The following CR1 variants were observed in gnomAD, a reference collection of about 807,000 sequenced individuals.
CR1 encodes the protein complement receptor type 1.
Under a neutral mutation model 187.3 loss-of-function variants are expected in CR1, and 116 were observed. That is an observed-to-expected ratio of 0.62 (90% confidence interval 0.53 to 0.72). The LOEUF is 0.72. CR1 is among the 30% of genes least tolerant of loss of function. The pLI, the probability that CR1 is intolerant of heterozygous loss-of-function variation, is 0.00. For missense variants in CR1, 1,731 were observed against 2,110.7 expected, an observed-to-expected ratio of 0.82 and a Z score of 3.52; for synonymous variants, 576 against 747.1, an observed-to-expected ratio of 0.77 and a Z score of 3.73.
intron 1 of CR1, among the ~76,000 whole-genome samples, chr1:207,505,389 C>T (rs1243398215): frequency 6.6e-6 from 1 of 151,916 alleles, no homozygotes; most frequent in East Asian, 1.9e-4. Context: ...GTCTCAAACT[C>T]CTGACCTCAA....
chr1:207,564,982 T>G lies in CR1; in HGVS notation c.3866+748T>G, dbSNP rs1458561569. 2.7e-5 allele frequency among the ~76,000 whole-genome samples: 4 copies of G among 150,296 alleles called. No homozygotes were observed. The South Asian group carries it at 8.3e-4, about 31-fold the overall frequency. On this transcript the variant is annotated intron_variant, in intron 23 of 46. Coordinates refer to ENST00000367049, the MANE Select transcript of CR1 (RefSeq NM_000651.6). ...AGGACTGAAAATGTAAAAATCAGCA[T>G]TTTTTTAAAAATTCAGTCATATATC... is the stretch of plus-strand genomic sequence containing the variant.
intron 4 of CR1, among the ~76,000 whole-genome samples, chr1:207,520,911 G>T: frequency 8.1e-6 from 1 of 124,096 alleles, no homozygotes; most frequent in African/African-American, 3.1e-5. Context: ...ATTGTGTTGT[G>T]TCTAGGTAAG....
chr1:207,526,205 C>T (rs1660165444), intron 5 of CR1, among the ~76,000 whole-genome samples: 2 of 151,990 alleles, frequency 1.3e-5, no homozygotes, highest in Admixed American at 6.5e-5. Context: ...GGAGAGGAGA[C>T]CCATAGTTCT....
At chr1:207,580,658 G>A in intron 31 of CR1, 45 bp downstream of exon 31, 3 of 1,535,678 alleles carry the variant, frequency 2.0e-6, no homozygotes, top group South Asian at 2.3e-5. Flanking sequence ...GCACTGCAGA[G>A]TGACTCTTGA....
intron 28 of CR1, 43 bp from the exon 29 acceptor site, chr1:207,577,762 G>T (rs1304185729): frequency 1.2e-6 from 2 of 1,609,806 alleles, no homozygotes; most frequent in Non-Finnish European, 8.5e-7. Flanking sequence ...GCAAGACTCT[G>T]TCCCAAGGTT....
At chr1:207,638,061 A>G (rs1662870838) in intron 46 of CR1, among the ~76,000 whole-genome samples, 1 of 152,248 alleles carries the variant, frequency 6.6e-6, no homozygotes, top group African/African-American at 2.4e-5. Flanking sequence ...AATTTAAAGT[A>G]TAGAGTGCTA....
In CR1 at chr1:207,523,607, C is replaced by G. The variant is rs748459931; in HGVS notation, c.488-4C>G. The G allele has an allele frequency of 1.2e-6, 2 of 1,613,546 alleles. No homozygotes were observed. The highest frequency in any genetic ancestry group is 2.7e-5 in the African/African-American group (2 of 74,882). On this transcript the variant is annotated splice_region_variant and splice_polypyrimidine_tract_variant and intron_variant, in intron 4 of 46. Transcript: ENST00000367049. The stretch of plus-strand genomic sequence containing the variant: ...GTTATTTATCCTGCTCTTCCTTTTT[C>G]CAGGAATTCCTTGTGGGCTACCCCC...
intron 35 of CR1, among the ~76,000 whole-genome samples, chr1:207,597,666 A>C (rs1016764670): frequency 1.3e-5 from 2 of 152,250 alleles, no homozygotes; most frequent in Admixed American, 1.3e-4. Flanking sequence ...AAAATGGTGT[A>C]GCACTGTGGA....
At position 207,641,553 on chromosome 1, in the gene CR1, T is replaced by C. The variant is rs1159177561; in HGVS notation, c.*2144T>C. The C allele has an allele frequency of 1.3e-5, 2 of 152,232 alleles. No individual in the cohort carries two copies. The highest frequency in any genetic ancestry group is 2.9e-5 in the Non-Finnish European group (2 of 68,040). 9.4% of individuals were successfully genotyped at this position (152,232 alleles called of 1,614,324 possible). ...TTGCCTAACTTGTATTATTAAGCAA[T>C]TCTGCTAACCTGTGACCTTACATTT... is the stretch of plus-strand genomic sequence containing the variant. On this transcript the variant is annotated 3_prime_UTR_variant, in exon 47 of 47. Coordinates refer to ENST00000367049, the MANE Select transcript of CR1 (RefSeq NM_000651.6).
At chr1:207,520,037 T>C (rs1659926940) in intron 4 of CR1, among the ~76,000 whole-genome samples, 2 of 152,268 alleles carry the variant, frequency 1.3e-5, no homozygotes, top group Admixed American at 1.3e-4. Flanking sequence ...ATATATTCTA[T>C]ATTTCAAAGA....
intron 27 of CR1, among the ~76,000 whole-genome samples, chr1:207,574,765 G>T (rs1342075511): frequency 6.6e-6 from 1 of 152,172 alleles, no homozygotes; most frequent in Non-Finnish European, 1.5e-5. Context: ...TTAAATATCT[G>T]TTGTGTGCAT....
intron 41 of CR1, 102 bp from the exon 42 acceptor site, chr1:207,617,969 A>C (rs547513142): frequency 2.4e-5 from 31 of 1,319,080 alleles, no homozygotes; most frequent in Non-Finnish European, 9.3e-6. Flanking sequence ...TGAGGTCTTC[A>C]TGTACCTCTA....
At position 207,568,002 on chromosome 1, in the gene CR1, T is replaced by C. The variant is rs1248982724; in HGVS notation, c.4131T>C (p.Asn1377=). 7 of 1,610,610 alleles carry C rather than the reference T, an allele frequency of 4.3e-6. No individual in the cohort carries two copies. Among genetic ancestry groups the C allele is most frequent in the Non-Finnish European group, 5.1e-6 (6 of 1,179,590 alleles). ...GCTGCACAAGTGACCCTCAAGGGAA[T>C]GGGGTTTGGAGCAGCCCTGCCCCTC... The part of the protein sequence containing the change: ...TIRCTSDPQG[N]GVWSSPAPRC... Residue 1377 remains asparagine, a synonymous_variant, in exon 25 of 47, where the codon AAT becomes AAC. Coordinates refer to ENST00000367049, the MANE Select transcript of CR1 (RefSeq NM_000651.6).
chr1:207,577,780 G>C (rs747282157), intron 28 of CR1, 25 bp from the exon 29 acceptor site: 3 of 1,612,916 alleles, frequency 1.9e-6, no homozygotes. Context: ...GTTTTGTTTT[G>C]GTTAACTTGC....
At chr1:207,576,406 C>G (rs1433334967) in intron 28 of CR1, among the ~76,000 whole-genome samples, 1 of 152,146 alleles carries the variant, frequency 6.6e-6, no homozygotes, top group African/African-American at 2.4e-5. Flanking sequence ...AAATCAGTAT[C>G]CAGTTCTTTT....
intron 42 of CR1, 71 bp from the exon 43 acceptor site, chr1:207,619,809 T>G (rs946945114): frequency 7.2e-7 from 1 of 1,397,630 alleles, no homozygotes; most frequent in Non-Finnish European, 9.7e-7. Context: ...GGCTATTTTC[T>G]CCTATTCTCG....
chr1:207,634,368 G>C lies in CR1; in HGVS notation c.7457+3747G>C, dbSNP rs550075602. On this transcript the variant is annotated intron_variant, in intron 46 of 46. Coordinates refer to ENST00000367049, the MANE Select transcript of CR1 (RefSeq NM_000651.6). ...TTAAGATTAGAATTTTGACCACAGT[G>C]TTCCATGGGAACAAAGTGAATCATC... is the stretch of plus-strand genomic sequence containing the variant. Among the ~76,000 whole-genome samples the C allele has an allele frequency of 4.6e-5, 7 of 152,282 alleles. No homozygotes were observed. The East Asian group carries it at 5.8e-4, about 13-fold the overall frequency.
chr1:207,581,187 CATGGACACGTATATGTAGACGTATACAT>C lies in CR1; in HGVS notation c.5216+648_5217-630del, dbSNP rs774935591. Among the ~76,000 whole-genome samples, 82 of 136,298 alleles carry C rather than the reference CATGGACACGTATATGTAGACGTATACAT, an allele frequency of 6.0e-4. 1 individual carries two copies. Among genetic ancestry groups the C allele is most frequent in the South Asian group, 3.4e-3 (16 of 4,712 alleles). 89.4% of individuals were successfully genotyped at this position (136,298 alleles called of 152,430 possible). On this transcript the variant is annotated intron_variant, in intron 31 of 46. Coordinates refer to ENST00000367049, the MANE Select transcript of CR1 (RefSeq NM_000651.6). ...GTACATGTGTATACATATGTGTATA[CATGGACACGTATATGTAGACGTATACAT>C]ATGGACACGTATATGTAGACGTATA...
Position 207,578,055 on chromosome 1 carries a change from A to C in CR1, c.4788A>C (p.Gly1596=). ...NKCTPPNVEN[G]ILVSDNRSLF... is the part of the protein sequence containing the mutation. The stretch of plus-strand genomic sequence containing the variant: ...GCACGCCTCCAAATGTGGAAAATGG[A>C]ATATTGGTATCTGACAACAGAAGCT... Residue 1596 remains glycine (G), a synonymous_variant, in exon 29 of 47, where the codon GGA becomes GGC. Transcript: ENST00000367049. 4 of 1,611,658 alleles carry C rather than the reference A, an allele frequency of 2.5e-6. No homozygotes were observed. The highest frequency in any genetic ancestry group is 3.4e-6 in the Non-Finnish European group (4 of 1,179,550).
Sources: gnomAD v4.1 joint callset for allele counts (sites outside exome capture counted in the v4.1 genomes callset) on GRCh38, gnomAD v4.1.1 for gene constraint, MANE v1.5 for transcripts, NCBI Gene and HGNC (gene_info 2026-07-23, HGNC 2026-07-21) for gene names.